Variants in ARHGAP5 observed in about 807,000 individuals in gnomAD.
ARHGAP5 encodes the protein Rho GTPase activating protein 5.
ARHGAP5 carries 23 observed loss-of-function variants against 116.6 expected under a neutral mutation model. The ratio of observed to expected loss-of-function variants is 0.20; its 90% CI spans 0.14 to 0.28. ARHGAP5 has a LOEUF of 0.28. Ranked by LOEUF, ARHGAP5 falls within the 10% of genes least tolerant of loss-of-function variation. The pLI, the probability that ARHGAP5 is intolerant of heterozygous loss-of-function variation, is 1.00. For missense variants in ARHGAP5, 1,405 were observed against 1,774.8 expected, an observed-to-expected ratio of 0.79 and a Z score of 3.74; for synonymous variants, 574 against 602.0, an observed-to-expected ratio of 0.95 and a Z score of 0.68.
At position 32,093,203 on chromosome 14, in the gene ARHGAP5, A is replaced by T; in HGVS notation, c.2534A>T (p.Asp845Val). Residue 845 changes from aspartate to valine, a missense_variant, in exon 2 of 7, where the codon GAT becomes GTT. By Grantham distance (152) the Asp-to-Val change is radical (BLOSUM62 -3). This residue lies in a region of ARHGAP5 where 944 missense variants were observed against 1,095.3 expected (regional missense o/e 0.86). Transcript: ENST00000345122. ...CACTCTTCAATTGGAGTAAGAAAAG[A>T]TGAACTAGTTCATGGGTATATATTA... ...SYHSSIGVRK[D>V]ELVHGYILVY... 1 of 1,614,040 alleles carries T rather than the reference A, an allele frequency of 6.2e-7. No homozygotes were observed. The highest frequency in any genetic ancestry group is 8.5e-7 in the Non-Finnish European group (1 of 1,179,942).
At chr14:32,136,573 G>C (rs974179585) in intron 3 of ARHGAP5, among the ~76,000 whole-genome samples, 2 of 152,176 alleles carry the variant, frequency 1.3e-5, no homozygotes, top group African/African-American at 4.8e-5. Context: ...GTGAATGTTT[G>C]TGTAAGTATT....
chr14:32,091,766 A>C lies in ARHGAP5; in HGVS notation c.1097A>C (p.Lys366Thr). The part of the protein sequence containing the change: ...IEHLNWSEAL[K>T]LMEKRADFQL... ...CATTTGAATTGGTCAGAAGCTTTGAAGTTAATGGAAAAGAGAGCAGATTTC... is the reference window on the plus strand; with the variant it reads ...CATTTGAATTGGTCAGAAGCTTTGACGTTAATGGAAAAGAGAGCAGATTTC... Residue 366 changes from lysine to threonine, a missense_variant, in exon 2 of 7, where the codon AAG becomes ACG. Coordinates refer to ENST00000345122, the MANE Select transcript of ARHGAP5 (RefSeq NM_001030055.2). 1 of 1,613,704 alleles carries C rather than the reference A, an allele frequency of 6.2e-7. No individual in the cohort carries two copies. Among genetic ancestry groups the C allele is most frequent in the Non-Finnish European group, 8.5e-7 (1 of 1,179,674 alleles).
At position 32,155,554 on chromosome 14, in the gene ARHGAP5, G is replaced by A. The variant is rs1881855245; in HGVS notation, c.*606G>A. 6.5e-6 allele frequency: 1 copy of A among 152,712 alleles called. No individual in the cohort carries two copies. The highest frequency in any genetic ancestry group is 6.5e-5 in the Admixed American group (1 of 15,290). 9.5% of individuals were successfully genotyped at this position (152,712 alleles called of 1,614,324 possible). On this transcript the variant is annotated 3_prime_UTR_variant, in exon 7 of 7. Transcript: ENST00000345122. ...GTAAACCCGTGGATGATTTGATGAG[G>A]GATAAATGAACCTATTTCTTTTACA...
intron 2 of ARHGAP5, among the ~76,000 whole-genome samples, chr14:32,107,867 G>T (rs1318623704): frequency 6.6e-6 from 1 of 152,196 alleles, no homozygotes; most frequent in Non-Finnish European, 1.5e-5. Flanking sequence ...AAAGTTTTGG[G>T]ATTAGATAAA....
At chr14:32,103,830 A>G (rs1165071718) in intron 2 of ARHGAP5, among the ~76,000 whole-genome samples, 1 of 152,168 alleles carries the variant, frequency 6.6e-6, no homozygotes, top group African/African-American at 2.4e-5. Context: ...GAAACCCCAG[A>G]GCATAGGAGG....
At chr14:32,120,063 A>G (rs1879805521) in intron 3 of ARHGAP5, among the ~76,000 whole-genome samples, 2 of 152,122 alleles carry the variant, frequency 1.3e-5, no homozygotes, top group Non-Finnish European at 1.5e-5. Flanking sequence ...AGAATTCATC[A>G]GTGAAGTGAT....
intron 3 of ARHGAP5, among the ~76,000 whole-genome samples, chr14:32,132,072 T>A (rs1174621961): frequency 2.0e-5 from 3 of 152,236 alleles, no homozygotes; most frequent in African/African-American, 7.2e-5. Flanking sequence ...TATAGCAGCA[T>A]GATTTATAAT....
rs533649585 is a variant in ARHGAP5 at position 32,112,012 on chromosome 14, T to G, written c.3718-5128T>G. ...TTTTGTATTTTTAGTAGAGGTGGTG[T>G]TTCACCATGTTGGCCAGGATGGTCT... On this transcript the variant is annotated intron_variant, in intron 2 of 6. Coordinates refer to ENST00000345122, the MANE Select transcript of ARHGAP5 (RefSeq NM_001030055.2). Among the ~76,000 whole-genome samples, 74 of 152,194 alleles carry G rather than the reference T, an allele frequency of 4.9e-4. 1 individual carries two copies. Among genetic ancestry groups the G allele is most frequent in the African/African-American group, 1.6e-3 (67 of 41,534 alleles).
At chr14:32,145,191 G>C (rs1881319045) in intron 3 of ARHGAP5, among the ~76,000 whole-genome samples, 1 of 152,174 alleles carries the variant, frequency 6.6e-6, no homozygotes, top group South Asian at 2.1e-4. Flanking sequence ...TGGTGGGGTA[G>C]GTAGGGCATC....
chr14:32,099,329 G>T (rs1566664880), intron 2 of ARHGAP5, among the ~76,000 whole-genome samples: 1 of 152,222 alleles, frequency 6.6e-6, no homozygotes, highest in Admixed American at 6.5e-5. Context: ...AGAAGTCTGA[G>T]TTGTAGATAC....
chr14:32,082,925 T>C (rs1293072347), intron 1 of ARHGAP5, among the ~76,000 whole-genome samples: 8 of 152,268 alleles, frequency 5.3e-5, no homozygotes, highest in African/African-American at 1.9e-4. Flanking sequence ...CCCAGTCTTG[T>C]ATTCCTCCTC....
At chr14:32,119,849 G>C (rs761089239) in intron 3 of ARHGAP5, among the ~76,000 whole-genome samples, 5 of 152,088 alleles carry the variant, frequency 3.3e-5, no homozygotes, top group Non-Finnish European at 5.9e-5. Flanking sequence ...ACTTGGTCAT[G>C]TTTTATCCTT....
At chr14:32,118,907 G>A (rs1165727053) in intron 3 of ARHGAP5, among the ~76,000 whole-genome samples, 2 of 152,016 alleles carry the variant, frequency 1.3e-5, no homozygotes, top group African/African-American at 4.8e-5. Flanking sequence ...ATATTTCTTA[G>A]TAGTTGAGTG....
intron 3 of ARHGAP5, among the ~76,000 whole-genome samples, chr14:32,141,963 A>G (rs1881145872): frequency 6.6e-6 from 1 of 152,078 alleles, no homozygotes; most frequent in African/African-American, 2.4e-5. Flanking sequence ...AGACTGGATA[A>G]TCTCAACCAG....
At chr14:32,108,309 A>C (rs1257102280) in intron 2 of ARHGAP5, among the ~76,000 whole-genome samples, 1 of 152,110 alleles carries the variant, frequency 6.6e-6, no homozygotes, top group Admixed American at 6.5e-5. Context: ...TTGTTTTTAA[A>C]GATGAGAGAG....
Position 32,093,847 on chromosome 14 carries a change from A to C in ARHGAP5, c.3178A>C (p.Lys1060Gln). ...NVKKLDPNLL[K>Q]TIEAGIGKNP... ...GAAAAAACTCGATCCAAACCTTTTAAAAACAATTGAAGCTGGTATTGGTAA... is the reference window on the plus strand; with the variant it reads ...GAAAAAACTCGATCCAAACCTTTTACAAACAATTGAAGCTGGTATTGGTAA... Residue 1060 changes from lysine (K) to glutamine (Q), a missense_variant, in exon 2 of 7, where the codon AAA (lysine) becomes CAA (glutamine). Physicochemically the swap from Lys to Gln is moderately conservative, Grantham distance 53. Around this residue, in one of 6 missense-constraint regions of ARHGAP5, gnomAD observed 944 missense variants for 1,095.3 expected, o/e 0.86. Transcript: ENST00000345122. The C allele has an allele frequency of 6.2e-7, 1 of 1,613,782 alleles. No homozygotes were observed. Among genetic ancestry groups the C allele is most frequent in the Non-Finnish European group, 8.5e-7 (1 of 1,179,940 alleles).
chr14:32,134,982 G>T (rs1198210805), intron 3 of ARHGAP5, among the ~76,000 whole-genome samples: 1 of 151,742 alleles, frequency 6.6e-6, no homozygotes, highest in Non-Finnish European at 1.5e-5. Flanking sequence ...CAGGCCTCAG[G>T]TATCTCATTA....
rs1768975586 is a variant in ARHGAP5 at position 32,077,689 on chromosome 14, G to A, written c.-169+254G>A. Among the ~76,000 whole-genome samples the A allele has an allele frequency of 2.0e-5, 3 of 152,264 alleles. No homozygotes were observed. The South Asian group carries it at 6.2e-4, about 32-fold the overall frequency. On this transcript the variant is annotated intron_variant, in intron 1 of 6. Coordinates refer to ENST00000345122, the MANE Select transcript of ARHGAP5 (RefSeq NM_001030055.2). The stretch of plus-strand genomic sequence containing the variant: ...GGGGGAGGGGGTGCTTTCTCCACAG[G>A]TGACGGGGCCAGGGTCGGCGGAGGC...
intron 2 of ARHGAP5, among the ~76,000 whole-genome samples, chr14:32,098,232 G>A (rs1878626949): frequency 1.3e-5 from 2 of 152,186 alleles, no homozygotes; most frequent in African/African-American, 4.8e-5. Context: ...CTTCAAGACA[G>A]TGTGTTACTG....
Sources: allele counts gnomAD v4.1 joint callset (sites outside exome capture counted in the v4.1 genomes callset), GRCh38; gene constraint gnomAD v4.1.1; regional missense constraint gnomAD v4.1.1; transcripts MANE v1.5; gene names NCBI Gene and HGNC (gene_info 2026-07-23, HGNC 2026-07-21).